LRP1B: variants seen among roughly 807,000 people sequenced by gnomAD.
LRP1B encodes the protein LDL receptor related protein 1B.
LRP1B carries 217 observed loss-of-function variants against 556.6 expected under a neutral mutation model. The observed-to-expected ratio is 0.39, with a 90% CI of 0.35 to 0.44. The LOEUF (loss-of-function observed/expected upper bound fraction) is 0.44. Among genes scored for constraint, LRP1B ranks in the 20% least tolerant of loss-of-function variants. The probability of loss-of-function intolerance (pLI) is 1.00; values close to 1 mark genes in which losing one functional copy is unlikely to be tolerated. For missense variants in LRP1B, 5,053 were observed against 5,620.8 expected, an observed-to-expected ratio of 0.90 and a Z score of 3.23; for synonymous variants, 2,047 against 1,865.8, an observed-to-expected ratio of 1.10 and a Z score of -2.50.
chr2:140,675,121 T>A (rs1358158835), intron 41 of LRP1B, among the ~76,000 whole-genome samples: 1 of 152,248 alleles, frequency 6.6e-6, no homozygotes, highest in Non-Finnish European at 1.5e-5. Flanking sequence ...GTCTCCTTGT[T>A]ATAGGAAACT....
intron 2 of LRP1B, among the ~76,000 whole-genome samples, chr2:141,500,728 A>T (rs1318300683): frequency 6.6e-6 from 1 of 152,140 alleles, no homozygotes; most frequent in Non-Finnish European, 1.5e-5. Context: ...TCATCCATAT[A>T]GATAACACTT....
chr2:141,655,709 C>G (rs1025493219), intron 2 of LRP1B, among the ~76,000 whole-genome samples: 1 of 151,878 alleles, frequency 6.6e-6, no homozygotes, highest in Non-Finnish European at 1.5e-5. Flanking sequence ...ACAGAAGGTA[C>G]TTGAGAAATC....
chr2:141,470,431 T>G (rs1282910333), intron 3 of LRP1B, among the ~76,000 whole-genome samples: 2 of 152,210 alleles, frequency 1.3e-5, no homozygotes, highest in Non-Finnish European at 2.9e-5. Context: ...TTAATAAACC[T>G]GACAGGGAAT....
intron 7 of LRP1B, among the ~76,000 whole-genome samples, chr2:141,133,691 C>T (rs2105033691): frequency 6.6e-6 from 1 of 152,060 alleles, no homozygotes; most frequent in Admixed American, 6.6e-5. Flanking sequence ...CTGTACTCCC[C>T]TTAGCCCAAT....
intron 43 of LRP1B, among the ~76,000 whole-genome samples, chr2:140,576,357 G>A (rs1009909676): frequency 2.0e-5 from 3 of 152,074 alleles, no homozygotes; most frequent in Non-Finnish European, 2.9e-5. Context: ...TTTGTAAGAC[G>A]TAAGTCAGAG....
chr2:141,964,888 C>G (rs1324051340), intron 1 of LRP1B, among the ~76,000 whole-genome samples: 3 of 150,084 alleles, frequency 2.0e-5, no homozygotes, highest in Non-Finnish European at 3.0e-5. Flanking sequence ...TGAACTCAAA[C>G]AAATTTACAA....
chr2:141,085,057 A>T (rs928458886), intron 7 of LRP1B, among the ~76,000 whole-genome samples: 2 of 150,030 alleles, frequency 1.3e-5, no homozygotes, highest in Non-Finnish European at 3.0e-5. Context: ...AATTCAAGGA[A>T]CACCTTTTTT....
chr2:140,965,028 G>A (rs1407396091), intron 18 of LRP1B, among the ~76,000 whole-genome samples: 1 of 152,200 alleles, frequency 6.6e-6, no homozygotes, highest in East Asian at 1.9e-4. Flanking sequence ...GTTCAATGGA[G>A]TGGCAGAGAC....
rs566054828 is a variant in LRP1B, at chr2:141,415,793, T to G, written c.343+64603A>C. Reference sequence around the variant, plus strand: ...TCCCCTCAATCACTTTTTTCTTATTTCAGAAAATGAAGTATGTGATTGCAA... The same window carrying G: ...TCCCCTCAATCACTTTTTTCTTATTGCAGAAAATGAAGTATGTGATTGCAA... On this transcript the variant is annotated intron_variant, in intron 3 of 90. Transcript: ENST00000389484. Among the ~76,000 whole-genome samples, 193 of 152,240 alleles carry G rather than the reference T, an allele frequency of 1.3e-3. 1 individual carries two copies. Among genetic ancestry groups the G allele is most frequent in the African/African-American group, 4.1e-3 (171 of 41,542 alleles).
chr2:140,756,707 C>T (rs1004551519), intron 35 of LRP1B, among the ~76,000 whole-genome samples: 23 of 152,126 alleles, frequency 1.5e-4, no homozygotes, highest in African/African-American at 5.3e-4. Context: ...AAAGTTAAAA[C>T]ATTGCATTTA....
chr2:141,275,849 A>G (rs1273560307), intron 3 of LRP1B, among the ~76,000 whole-genome samples: 2 of 152,196 alleles, frequency 1.3e-5, no homozygotes, highest in African/African-American at 4.8e-5. Flanking sequence ...TGAAGTAGAT[A>G]ACCACTCATC....
chr2:140,322,388 G>T (rs906129144), intron 81 of LRP1B, among the ~76,000 whole-genome samples: 22 of 151,964 alleles, frequency 1.4e-4, no homozygotes, highest in African/African-American at 5.3e-4. Flanking sequence ...CATAAGAGTT[G>T]GTCCTAGAAC....
In LRP1B at chr2:140,239,499, A is replaced by G; in HGVS notation, c.13358T>C (p.Leu4453Ser). The change falls in exon 88 of 91, where the codon TTG becomes TCG. Residue 4453 changes from leucine (L) to serine (S), a missense_variant. Coordinates refer to ENST00000389484, the MANE Select transcript of LRP1B (RefSeq NM_018557.3). Reference sequence around the variant, plus strand: ...TACTAAGGTGGTTATCAAAGTCACCAAGAGGACGAGAGGCACAATGATGGC... The same window carrying G: ...TACTAAGGTGGTTATCAAAGTCACCGAGAGGACGAGAGGCACAATGATGGC... ...SIAIIVPLVL[L>S]VTLITTLVIG... 1 of 1,605,280 alleles carries G rather than the reference A, an allele frequency of 6.2e-7. No individual in the cohort carries two copies. Among genetic ancestry groups the G allele is most frequent in the Non-Finnish European group, 8.5e-7 (1 of 1,174,446 alleles).
chr2:141,149,506 A>G (rs1439973405), intron 7 of LRP1B, among the ~76,000 whole-genome samples: 1 of 152,164 alleles, frequency 6.6e-6, no homozygotes, highest in African/African-American at 2.4e-5. Context: ...GACATCTTAT[A>G]GCATAAACAG....
intron 1 of LRP1B, among the ~76,000 whole-genome samples, chr2:142,065,863 A>G (rs1388969356): frequency 6.6e-6 from 1 of 151,434 alleles, no homozygotes; most frequent in African/African-American, 2.4e-5. Context: ...GAAATCATTG[A>G]AAAGTCTCAT....
At chr2:140,657,682 A>C (rs894375018) in intron 41 of LRP1B, among the ~76,000 whole-genome samples, 27 of 143,104 alleles carry the variant, frequency 1.9e-4, no homozygotes, top group African/African-American at 6.8e-4. Flanking sequence ...TATATATATA[A>C]ATACAACATT....
intron 56 of LRP1B, 51 bp downstream of exon 56, chr2:140,495,514 G>C (rs76748667): frequency 6.7e-7 from 1 of 1,490,636 alleles, no homozygotes; most frequent in South Asian, 1.3e-5. Context: ...TAAAATTCAG[G>C]ATCCATATGT....
chr2:141,975,783 T>G (rs1303034131), intron 1 of LRP1B, among the ~76,000 whole-genome samples: 1 of 152,142 alleles, frequency 6.6e-6, no homozygotes, highest in Non-Finnish European at 1.5e-5. Flanking sequence ...CTTGAAGGCA[T>G]TAAACAATCT....
intron 66 of LRP1B, among the ~76,000 whole-genome samples, chr2:140,386,746 C>G (rs1346723897): frequency 1.3e-5 from 2 of 152,164 alleles, no homozygotes; most frequent in African/African-American, 4.8e-5. Flanking sequence ...GCTTCTACTC[C>G]TGATTTAGCG....
Sources: gnomAD v4.1 joint callset for allele counts (sites outside exome capture counted in the v4.1 genomes callset) on GRCh38, gnomAD v4.1.1 for gene constraint, MANE v1.5 for transcripts, NCBI Gene and HGNC (gene_info 2026-07-23, HGNC 2026-07-21) for gene names.